VAV3: variants seen among roughly 807,000 people sequenced by gnomAD.
The protein encoded by VAV3 is guanine nucleotide exchange factor VAV3.
Under a neutral mutation model 131.2 loss-of-function variants are expected in VAV3, and 94 were observed. The observed-to-expected ratio is 0.72, with a 90% CI of 0.61 to 0.85. The LOEUF is 0.85. VAV3 is among the 40% of genes least tolerant of loss of function. The probability of loss-of-function intolerance (pLI) is 0.00; values close to 1 mark genes in which losing one functional copy is unlikely to be tolerated. For synonymous variants in VAV3, 349 were observed against 342.0 expected (o/e 1.02, Z -0.22); for missense variants, 939 against 1,002.7 (o/e 0.94, Z 0.86).
At chr1:107,728,617 ATGTATAT>A (rs1662013458) in intron 15 of VAV3, among the ~76,000 whole-genome samples, 1 of 102,832 alleles carries the variant, frequency 9.7e-6, no homozygotes, top group African/African-American at 3.2e-5. Flanking sequence ...GTATATGTAT[ATGTATAT>A]GTATATGTAT....
intron 2 of VAV3, among the ~76,000 whole-genome samples, chr1:107,813,967 AGTGT>A (rs58318688): frequency 0.083 from 11,261 of 135,670 alleles, 451 homozygotes; most frequent in African/African-American, 0.095. Flanking sequence ...ATAGTACTCC[AGTGT>A]GTGTGTGTGT....
chr1:107,633,411 A>G (rs1296069382), intron 20 of VAV3, among the ~76,000 whole-genome samples: 1 of 152,162 alleles, frequency 6.6e-6, no homozygotes, highest in Non-Finnish European at 1.5e-5. Flanking sequence ...CAAGATCTTC[A>G]ACATTTTGTG....
chr1:107,650,658 A>C, intron 19 of VAV3, among the ~76,000 whole-genome samples: 2 of 150,274 alleles, frequency 1.3e-5, no homozygotes. Flanking sequence ...TGCTGCACCC[A>C]TTAACTCATC....
At chr1:107,614,428 C>A (rs1381980501) in intron 21 of VAV3, among the ~76,000 whole-genome samples, 5 of 151,796 alleles carry the variant, frequency 3.3e-5, no homozygotes, top group Non-Finnish European at 7.4e-5. Context: ...CAATCTATCC[C>A]CTCCTCTTCA....
At chr1:107,829,206 A>G (rs998864657) in intron 2 of VAV3, among the ~76,000 whole-genome samples, 3 of 152,216 alleles carry the variant, frequency 2.0e-5, no homozygotes, top group Non-Finnish European at 4.4e-5. Flanking sequence ...CTCCAGAGCA[A>G]ATGAAAGGGG....
Position 107,598,123 on chromosome 1 carries a change from G to A in VAV3, c.2221-1782C>T, listed in dbSNP as rs758097163. Among the ~76,000 whole-genome samples the A allele has an allele frequency of 1.9e-4, 29 of 152,302 alleles. 1 individual carries two copies. In the South Asian group the frequency reaches 3.5e-3, roughly 18 times the overall value. On this transcript the variant is annotated intron_variant, in intron 24 of 26. Transcript: ENST00000370056. ...AATCCCAGCACTTTGAGAGGCTGAG[G>A]CAGGCGGATCACCTGAGGCCAGGAG... is the stretch of plus-strand genomic sequence containing the variant.
At chr1:107,695,426 G>A (rs1234814031) in intron 17 of VAV3, among the ~76,000 whole-genome samples, 1 of 152,116 alleles carries the variant, frequency 6.6e-6, no homozygotes, top group South Asian at 2.1e-4. Context: ...AGACTTAGGA[G>A]GAGAGCTAAG....
At chr1:107,938,221 C>T (rs1163548773) in intron 1 of VAV3, among the ~76,000 whole-genome samples, 1 of 152,086 alleles carries the variant, frequency 6.6e-6, no homozygotes, top group Non-Finnish European at 1.5e-5. Context: ...GATCCCCGAG[C>T]CAGAAAACAG....
intron 25 of VAV3, among the ~76,000 whole-genome samples, chr1:107,595,984 A>G (rs143961690): frequency 4.6e-5 from 7 of 152,234 alleles, no homozygotes; most frequent in African/African-American, 1.7e-4. Context: ...TTTCTGCTGG[A>G]TTTTTGGACA....
intron 2 of VAV3, among the ~76,000 whole-genome samples, chr1:107,821,275 A>G (rs1444845153): frequency 6.6e-6 from 1 of 152,234 alleles, no homozygotes; most frequent in Non-Finnish European, 1.5e-5. Flanking sequence ...GTTCAGAACT[A>G]TGATAGACAT....
At chr1:107,602,529 A>G (rs1651944560) in intron 23 of VAV3, 45 bp from the exon 24 acceptor site, 1 of 1,444,674 alleles carries the variant, frequency 6.9e-7, no homozygotes, top group Non-Finnish European at 9.3e-7. Context: ...GTTTTTAATC[A>G]GTAGAAATCA....
At chr1:107,843,719 C>G (rs946178340) in intron 2 of VAV3, among the ~76,000 whole-genome samples, 32 of 152,030 alleles carry the variant, frequency 2.1e-4, no homozygotes, top group Non-Finnish European at 4.0e-4. Flanking sequence ...ACCCTCTCCC[C>G]CCATGGGGTT....
chr1:107,887,921 T>C (rs1299959042), intron 1 of VAV3, among the ~76,000 whole-genome samples: 1 of 152,148 alleles, frequency 6.6e-6, no homozygotes, highest in African/African-American at 2.4e-5. Context: ...ATATGCATCA[T>C]TAAACTTGAA....
chr1:107,697,849 T>C (rs1007576753), intron 17 of VAV3, among the ~76,000 whole-genome samples: 7 of 152,116 alleles, frequency 4.6e-5, no homozygotes, highest in Non-Finnish European at 1.0e-4. Context: ...AATTAAAGTG[T>C]TCTGCCTAAA....
At chr1:107,708,952 A>AC (rs1308804983) in intron 15 of VAV3, among the ~76,000 whole-genome samples, 4 of 150,772 alleles carry the variant, frequency 2.7e-5, no homozygotes, top group Admixed American at 1.3e-4. Flanking sequence ...ACACACACAT[A>AC]CCCCCCCACA....
At chr1:107,699,592 C>A (rs1659968017) in intron 17 of VAV3, among the ~76,000 whole-genome samples, 1 of 152,200 alleles carries the variant, frequency 6.6e-6, no homozygotes, top group Admixed American at 6.5e-5. Context: ...GAGCTCCAAC[C>A]CCACATTTCC....
At chr1:107,632,492 G>A (rs1654580049) in intron 20 of VAV3, among the ~76,000 whole-genome samples, 1 of 152,126 alleles carries the variant, frequency 6.6e-6, no homozygotes, top group African/African-American at 2.4e-5. Flanking sequence ...TTCTCATACT[G>A]CCAGTGGTTC....
At chr1:107,817,350 TG>T (rs1231053611) in intron 2 of VAV3, among the ~76,000 whole-genome samples, 1 of 151,350 alleles carries the variant, frequency 6.6e-6, no homozygotes, top group East Asian at 1.9e-4. Context: ...ACTAGATGCA[TG>T]AGATGTGCAC....
chr1:107,712,812 A>C (rs58301439), intron 15 of VAV3, among the ~76,000 whole-genome samples: 2,107 of 152,328 alleles, frequency 0.014, 51 homozygotes, highest in African/African-American at 0.048. Flanking sequence ...TCCACAAACA[A>C]TCATGAAACT....
Sources: allele counts gnomAD v4.1 joint callset (sites outside exome capture counted in the v4.1 genomes callset), GRCh38; gene constraint gnomAD v4.1.1; transcripts MANE v1.5; gene names NCBI Gene and HGNC (gene_info 2026-07-23, HGNC 2026-07-21).